KLHL24: variants seen among roughly 807,000 people sequenced by gnomAD.
KLHL24 encodes kelch-like protein 24.
A neutral mutation model predicts 53.4 loss-of-function variants in KLHL24; 29 were observed. The ratio of observed to expected loss-of-function variants is 0.54; its 90% CI spans 0.40 to 0.74. The LOEUF (loss-of-function observed/expected upper bound fraction) is 0.74, where lower values mean the gene tolerates loss of function less well. Among genes scored for constraint, KLHL24 ranks in the 30% least tolerant of loss-of-function variants. KLHL24 has a pLI of 0.00. For synonymous variants in KLHL24, 222 were observed against 253.7 expected (o/e 0.88, Z 1.19); for missense variants, 504 against 744.0 (o/e 0.68, Z 3.75).
rs1234023110 is a variant in KLHL24, at chr3:183,679,114, G to A, written c.1631G>A (p.Gly544Asp). Residue 544 changes from glycine (G) to aspartate (D), a missense_variant, in exon 8 of 8, where the codon GGT becomes GAT. By Grantham distance (94) the Gly-to-Asp change is moderately conservative. Coordinates refer to ENST00000242810, the MANE Select transcript of KLHL24 (RefSeq NM_017644.3). ...AACTGTGGTATGTCTGTGTGTAATGGTAAAATATATATCCTGGGCGGAAGA... is the reference window on the plus strand; with the variant it reads ...AACTGTGGTATGTCTGTGTGTAATGATAAAATATATATCCTGGGCGGAAGA... Reference protein sequence around the residue: ...QENCGMSVCNGKIYILGGRRE... With the variant: ...QENCGMSVCNDKIYILGGRRE... 3.7e-6 allele frequency: 6 copies of A among 1,613,618 alleles called. No homozygotes were observed. Among genetic ancestry groups the A allele is most frequent in the African/African-American group, 1.3e-5 (1 of 74,856 alleles).
intron 3 of KLHL24, among the ~76,000 whole-genome samples, chr3:183,658,178 A>G (rs919101651): frequency 7.3e-5 from 11 of 149,936 alleles, no homozygotes; most frequent in Non-Finnish European, 4.4e-5. Flanking sequence ...GCACCATTGC[A>G]CTCTAGCCTG....
At position 183,683,773 on chromosome 3, in the gene KLHL24, A is replaced by C. The variant is rs1712926224; in HGVS notation, c.*4487A>C. 6.6e-6 allele frequency: 1 copy of C among 152,586 alleles called. No individual in the cohort carries two copies. Among genetic ancestry groups the C allele is most frequent in the African/African-American group, 2.4e-5 (1 of 41,436 alleles). The allele number at this position is 152,586 out of a possible 1,614,324, so 9.5% of individuals were successfully genotyped here. Reference sequence around the variant, plus strand: ...GCACCTGAATTTGTTTATGTGCCTTAAGTTCTCTAGTGCTATTTCAACTTT... The same window carrying C: ...GCACCTGAATTTGTTTATGTGCCTTCAGTTCTCTAGTGCTATTTCAACTTT... On this transcript the variant is annotated 3_prime_UTR_variant, in exon 8 of 8. Coordinates refer to ENST00000242810, the MANE Select transcript of KLHL24 (RefSeq NM_017644.3).
At chr3:183,652,881 T>C (rs1326678146) in intron 3 of KLHL24, among the ~76,000 whole-genome samples, 2 of 152,146 alleles carry the variant, frequency 1.3e-5, no homozygotes, top group African/African-American at 4.8e-5. Flanking sequence ...CAGATGTGGC[T>C]AATAATACTC....
chr3:183,653,102 G>A (rs73058225), intron 3 of KLHL24, among the ~76,000 whole-genome samples: 2 of 152,000 alleles, frequency 1.3e-5, no homozygotes, highest in Non-Finnish European at 1.5e-5. Context: ...AATTTTTAAG[G>A]GAACAAATCT....
Position 183,645,130 on chromosome 3 carries a change from G to T in KLHL24, c.-62+1588G>T, listed in dbSNP as rs75014015. ...CTAATTCAACCATAATTTGAATCTA[G>T]ATTAATAAGGCATTAAGATTAAAAT... On this transcript the variant is annotated intron_variant, in intron 2 of 7. Transcript: ENST00000242810. 6.0e-3 allele frequency among the ~76,000 whole-genome samples: 907 copies of T among 152,302 alleles called. 7 individuals carry two copies. Among genetic ancestry groups the T allele is most frequent in the African/African-American group, 0.021 (856 of 41,576 alleles).
intron 4 of KLHL24, chr3:183,664,279 T>C (rs1258010207): frequency 6.6e-6 from 1 of 152,230 alleles, no homozygotes; most frequent in Non-Finnish European, 1.5e-5. Flanking sequence ...ACTCATAGAA[T>C]TAAGCATTTC....
chr3:183,665,072 G>A (rs775995302), intron 5 of KLHL24, 33 bp downstream of exon 5: 2 of 1,109,968 alleles, frequency 1.8e-6, no homozygotes, highest in Non-Finnish European at 2.7e-6. Context: ...ACTATTGCTG[G>A]TACCTTTCCA....
At position 183,679,595 on chromosome 3, in the gene KLHL24, C is replaced by A; in HGVS notation, c.*309C>A. 3.6e-6 allele frequency: 1 copy of A among 277,656 alleles called. No homozygotes were observed. Among genetic ancestry groups the A allele is most frequent in the Non-Finnish European group, 6.8e-6 (1 of 146,506 alleles). 17.2% of individuals were successfully genotyped at this position (277,656 alleles called of 1,614,324 possible). Reference sequence around the variant, plus strand: ...TGTCTGTCTGCATACCTTTTAGGAGCGTGTGAATGGTGTCTTCACTTATTA... The same window carrying A: ...TGTCTGTCTGCATACCTTTTAGGAGAGTGTGAATGGTGTCTTCACTTATTA... On this transcript the variant is annotated 3_prime_UTR_variant, in exon 8 of 8. Transcript: ENST00000242810.
At chr3:183,647,246 T>A (rs532003508) in intron 2 of KLHL24, among the ~76,000 whole-genome samples, 1 of 150,104 alleles carries the variant, frequency 6.7e-6, no homozygotes, top group African/African-American at 2.4e-5. Flanking sequence ...TGAAACGTCA[T>A]CTCTACTAAG....
At chr3:183,671,314 G>A in intron 6 of KLHL24, 92 bp downstream of exon 6, 1 of 1,109,010 alleles carries the variant, frequency 9.0e-7, no homozygotes, top group Non-Finnish European at 1.3e-6. Flanking sequence ...GTCACATAGT[G>A]TGAGGGGTCT....
At chr3:183,661,600 T>C (rs894043290) in intron 3 of KLHL24, among the ~76,000 whole-genome samples, 3 of 152,218 alleles carry the variant, frequency 2.0e-5, no homozygotes, top group African/African-American at 7.2e-5. Flanking sequence ...CTAGCAGACA[T>C]TGAAGTTACC....
At chr3:183,636,011 AG>A (rs1462164093) in intron 1 of KLHL24, among the ~76,000 whole-genome samples, 4 of 151,944 alleles carry the variant, frequency 2.6e-5, no homozygotes, top group African/African-American at 9.7e-5. Flanking sequence ...GCCCTGAGGG[AG>A]GGCGCGCGCG....
At chr3:183,670,851 A>T (rs972335964) in intron 5 of KLHL24, among the ~76,000 whole-genome samples, 183 bp from the exon 6 acceptor site, 1 of 152,222 alleles carries the variant, frequency 6.6e-6, no homozygotes, top group Non-Finnish European at 1.5e-5. Flanking sequence ...GGCTCCGTGG[A>T]TTGTGATGGT....
At chr3:183,669,365 A>G (rs1421053760) in intron 5 of KLHL24, among the ~76,000 whole-genome samples, 2 of 152,122 alleles carry the variant, frequency 1.3e-5, no homozygotes, top group African/African-American at 2.4e-5. Flanking sequence ...AAAAAAAATT[A>G]TAAAATTGAG....
At position 183,671,015 on chromosome 3, in the gene KLHL24, C is replaced by T. The variant is rs750490445; in HGVS notation, c.1225-19C>T. 2.6e-6 allele frequency: 4 copies of T among 1,556,262 alleles called. No homozygotes were observed. The African/African-American group carries it at 5.5e-5, about 21-fold the overall frequency. On this transcript the variant is annotated intron_variant, in intron 5 of 7. Transcript: ENST00000242810. ...CAGACTTTTGATAATTAAGATTTTT[C>T]CATGTATTTTACATATAGGTATATG...
chr3:183,676,318 A>C (rs926257207), intron 7 of KLHL24, among the ~76,000 whole-genome samples: 1 of 151,174 alleles, frequency 6.6e-6, no homozygotes, highest in African/African-American at 2.4e-5. Context: ...CTGGTCTTGA[A>C]CTCTTGACCT....
chr3:183,673,952 A>G (rs1037986167), intron 7 of KLHL24, among the ~76,000 whole-genome samples: 2 of 152,296 alleles, frequency 1.3e-5, no homozygotes, highest in African/African-American at 2.4e-5. Flanking sequence ...TTGATATTTT[A>G]TTTGATATTT....
rs1390631634 is a variant in KLHL24, at chr3:183,651,355, G to T, written c.920+79G>T. ...ACCTCCTGAATGCAATCTCAGTGTT[G>T]TCATTTATATGCACTGTCTACCTGT... On this transcript the variant is annotated intron_variant, in intron 3 of 7. Coordinates refer to ENST00000242810, the MANE Select transcript of KLHL24 (RefSeq NM_017644.3). 3 of 973,406 alleles carry T rather than the reference G, an allele frequency of 3.1e-6. No homozygotes were observed. In the African/African-American group the frequency reaches 4.9e-5, roughly 16 times the overall value. 60.3% of individuals were successfully genotyped at this position (973,406 alleles called of 1,614,324 possible). A position where few individuals can be genotyped will look rare whatever the true frequency, so the allele number is the denominator to read the frequency against.
At chr3:183,677,941 C>T (rs116702768) in intron 7 of KLHL24, among the ~76,000 whole-genome samples, 1 of 152,026 alleles carries the variant, frequency 6.6e-6, no homozygotes, top group East Asian at 1.9e-4. Context: ...ACAAGCACCC[C>T]CCACCACGTC....
Sources: gnomAD v4.1 joint callset for allele counts (sites outside exome capture counted in the v4.1 genomes callset) on GRCh38, gnomAD v4.1.1 for gene constraint, MANE v1.5 for transcripts, NCBI Gene and HGNC (gene_info 2026-07-23, HGNC 2026-07-21) for gene names.